The following EBF2 variants were observed in gnomAD, a reference collection of about 807,000 sequenced individuals.
EBF2 encodes the protein transcription factor COE2.
Under a neutral mutation model 72.8 loss-of-function variants are expected in EBF2, and 21 were observed. That is an observed-to-expected ratio of 0.29 (90% confidence interval 0.20 to 0.42). The LOEUF is 0.42. Among genes scored for constraint, EBF2 ranks in the 10% least tolerant of loss-of-function variants. The pLI, the probability that EBF2 is intolerant of heterozygous loss-of-function variation, is 1.00. For missense variants in EBF2, 637 were observed against 731.2 expected, an observed-to-expected ratio of 0.87 and a Z score of 1.49; for synonymous variants, 299 against 274.2, an observed-to-expected ratio of 1.09 and a Z score of -0.89.
chr8:26,041,155 C>T lies in EBF2; in HGVS notation c.289-153G>A, dbSNP rs938307909. 2.5e-5 allele frequency: 21 copies of T among 830,180 alleles called. No individual in the cohort carries two copies. In the African/African-American group the frequency reaches 2.9e-4, roughly 11 times the overall value. The allele number at this position is 830,180 out of a possible 1,614,324, so 51.4% of individuals were successfully genotyped here. On this transcript the variant is annotated intron_variant, in intron 2 of 15. Transcript: ENST00000520164. ...TCAGCCCTAGGTCAAAGGGCATGAG[C>T]ATCTGCCTGTCCTTGGCCGCCCCCG...
At chr8:26,005,269 A>T (rs1487351997) in intron 6 of EBF2, among the ~76,000 whole-genome samples, 2 of 2,900 alleles carry the variant, frequency 6.9e-4, no homozygotes, top group African/African-American at 1.3e-3. Flanking sequence ...ATAATATATA[A>T]TATATATAAT....
intron 10 of EBF2, among the ~76,000 whole-genome samples, chr8:25,870,813 T>A (rs2117273121): frequency 6.6e-6 from 1 of 152,192 alleles, no homozygotes; most frequent in African/African-American, 2.4e-5. Context: ...ATTTTTATGT[T>A]GTTTTTTGGC....
At chr8:26,000,568 C>T (rs1271212339) in intron 6 of EBF2, among the ~76,000 whole-genome samples, 2 of 152,162 alleles carry the variant, frequency 1.3e-5, no homozygotes, top group East Asian at 3.9e-4. Context: ...GGTTCTGTAA[C>T]CCCTAATAAA....
intron 6 of EBF2, among the ~76,000 whole-genome samples, chr8:26,008,314 C>G (rs1338019392): frequency 6.6e-6 from 1 of 152,146 alleles, no homozygotes; most frequent in Non-Finnish European, 1.5e-5. Flanking sequence ...CACATTTATT[C>G]TATTCTGCAT....
At chr8:25,965,871 TACCTG>T (rs1804106140) in intron 6 of EBF2, among the ~76,000 whole-genome samples, 1 of 152,222 alleles carries the variant, frequency 6.6e-6, no homozygotes. Context: ...CAACAATGTG[TACCTG>T]GCCGAGGGCA....
Position 25,924,049 on chromosome 8 carries a change from T to C in EBF2, c.552-15494A>G, listed in dbSNP as rs137857080. ...ACCGATAATGTAATGTAGGAGGCAG[T>C]GTGACCTAGAGGATAAAACTTAAGA... On this transcript the variant is annotated intron_variant, in intron 6 of 15. Transcript: ENST00000520164. 1.7e-3 allele frequency among the ~76,000 whole-genome samples: 266 copies of C among 152,354 alleles called. 2 individuals are homozygous for C. Among genetic ancestry groups the C allele is most frequent in the African/African-American group, 6.2e-3 (257 of 41,584 alleles).
intron 6 of EBF2, among the ~76,000 whole-genome samples, chr8:25,933,505 T>C (rs1803517605): frequency 6.6e-6 from 1 of 152,196 alleles, no homozygotes; most frequent in Non-Finnish European, 1.5e-5. Flanking sequence ...GTTCAATCTT[T>C]CTGGCTGTAT....
At chr8:25,874,853 C>CTTTTTTT (rs1183233269) in intron 10 of EBF2, among the ~76,000 whole-genome samples, 1 of 99,574 alleles carries the variant, frequency 1.0e-5, no homozygotes, top group Non-Finnish European at 1.9e-5. Context: ...GCCTGGCTAA[C>CTTTTTTT]TTTTTTTTTT....
Position 26,044,696 on chromosome 8 carries a change from G to C in EBF2, c.131+33C>G. The C allele has an allele frequency of 6.2e-7, 1 of 1,609,544 alleles. No homozygotes were observed. Among genetic ancestry groups the C allele is most frequent in the Non-Finnish European group, 8.5e-7 (1 of 1,176,696 alleles). On this transcript the variant is annotated intron_variant, in intron 1 of 15. Transcript: ENST00000520164. The surrounding 1 kb of genome is among the most constrained non-coding windows in gnomAD (Gnocchi z 4.1). ...GGAGAGACAGACCGTAAGAGCGAGAGACAGCATAATAATTGCGCGGCCGTG... is the reference window on the plus strand; with the variant it reads ...GGAGAGACAGACCGTAAGAGCGAGACACAGCATAATAATTGCGCGGCCGTG...
At chr8:25,992,594 T>C (rs1244384719) in intron 6 of EBF2, among the ~76,000 whole-genome samples, 2 of 152,082 alleles carry the variant, frequency 1.3e-5, no homozygotes, top group African/African-American at 4.8e-5. Flanking sequence ...AGAACTTCTT[T>C]AAATCAAAAA....
Position 25,967,689 on chromosome 8 carries a change from A to G in EBF2, c.552-59134T>C, listed in dbSNP as rs184996733. 1.8e-4 allele frequency among the ~76,000 whole-genome samples: 27 copies of G among 152,350 alleles called. 1 individual carries two copies. In the East Asian group the frequency reaches 4.4e-3, roughly 25 times the overall value. On this transcript the variant is annotated intron_variant, in intron 6 of 15. Coordinates refer to ENST00000520164, the MANE Select transcript of EBF2 (RefSeq NM_022659.4). ...GTGTTGGGGGCAAGGGTGAGGATGC[A>G]TTGAAGGACTAGTTTCCTTACTCTG...
chr8:25,937,464 C>G (rs796503388), intron 6 of EBF2, among the ~76,000 whole-genome samples: 28 of 152,238 alleles, frequency 1.8e-4, no homozygotes, highest in African/African-American at 6.7e-4. Context: ...TTTCAAAATC[C>G]TAGGCTTAAA....
intron 1 of EBF2, 67 bp from the exon 2 acceptor site, chr8:26,042,318 G>A (rs988594006): frequency 1.9e-5 from 29 of 1,538,762 alleles, no homozygotes; most frequent in Non-Finnish European, 2.5e-5. Flanking sequence ...GTTACTAACC[G>A]CCCACAACAC....
intron 6 of EBF2, among the ~76,000 whole-genome samples, chr8:25,982,076 C>T (rs1003394069): frequency 2.6e-5 from 4 of 152,100 alleles, no homozygotes; most frequent in Admixed American, 1.3e-4. Flanking sequence ...TTCAGCCCCT[C>T]GTATTATATA....
chr8:25,882,453 G>T (rs1027660787), intron 10 of EBF2, among the ~76,000 whole-genome samples: 7 of 152,196 alleles, frequency 4.6e-5, no homozygotes, highest in Non-Finnish European at 1.0e-4. Context: ...AAGGCAGGTG[G>T]TGAAGTTTTC....
At chr8:25,893,271 ATTTTTTTT>A (rs201829098) in intron 7 of EBF2, among the ~76,000 whole-genome samples, 5 of 111,444 alleles carry the variant, frequency 4.5e-5, no homozygotes, top group Admixed American at 2.7e-4. Context: ...TAATTCTTCC[ATTTTTTTT>A]TTTTTTTTTT....
At chr8:25,956,140 C>T (rs1246805765) in intron 6 of EBF2, among the ~76,000 whole-genome samples, 3 of 151,942 alleles carry the variant, frequency 2.0e-5, no homozygotes, top group African/African-American at 4.8e-5. Flanking sequence ...AATTGCTGGC[C>T]GGGTTCAGTG....
At chr8:25,985,500 T>G (rs1156403160) in intron 6 of EBF2, among the ~76,000 whole-genome samples, 5 of 152,156 alleles carry the variant, frequency 3.3e-5, no homozygotes, top group Non-Finnish European at 5.9e-5. Flanking sequence ...AACCCTATAG[T>G]GCTGCCACTA....
intron 6 of EBF2, among the ~76,000 whole-genome samples, chr8:26,013,557 G>A (rs1461603718): frequency 6.6e-6 from 1 of 152,088 alleles, no homozygotes; most frequent in Non-Finnish European, 1.5e-5. Flanking sequence ...GAAACATTCA[G>A]AGCATCCCAA....
Sources: gnomAD v4.1 joint callset for allele counts (sites outside exome capture counted in the v4.1 genomes callset) on GRCh38, gnomAD v4.1.1 for gene constraint, Gnocchi (gnomAD v3.1) non-coding constraint, MANE v1.5 for transcripts, NCBI Gene and HGNC (gene_info 2026-07-23, HGNC 2026-07-21) for gene names.